Variants in DLGAP4 observed in about 807,000 individuals in gnomAD.
DLGAP4 encodes the protein DLG associated protein 4.
A neutral mutation model predicts 86.9 loss-of-function variants in DLGAP4; 18 were observed. The ratio of observed to expected loss-of-function variants is 0.21; its 90% CI spans 0.14 to 0.31. DLGAP4 has a LOEUF of 0.31. Ranked by LOEUF, DLGAP4 falls within the 10% of genes least tolerant of loss-of-function variation. DLGAP4 has a pLI of 1.00. For synonymous variants in DLGAP4, 548 were observed against 574.3 expected (o/e 0.95, Z 0.65); for missense variants, 1,085 against 1,362.6 (o/e 0.80, Z 3.21).
chr20:36,432,469 G>A lies in DLGAP4; in HGVS notation c.752G>A (p.Gly251Glu). 1.2e-6 allele frequency: 2 copies of A among 1,613,528 alleles called. No homozygotes were observed. The highest frequency in any genetic ancestry group is 1.7e-6 in the Non-Finnish European group (2 of 1,179,966). ...ATGCACGCCTACAACACCATCAGTG[G>A]GCACATGCTCAAAACCACCAAGAAC... The part of the protein sequence containing the change: ...YFMHAYNTIS[G>E]HMLKTTKNNT... Residue 251 changes from glycine (G) to glutamate (E), a missense_variant, in exon 3 of 13, where the codon GGG (glycine) becomes GAG (glutamate). By Grantham distance (98) the Gly-to-Glu change is moderately conservative (BLOSUM62 -2). Transcript: ENST00000339266. This position sits in a 1 kb window ranked among gnomAD's most constrained non-coding sequence, Gnocchi z 6.5.
intron 2 of DLGAP4, among the ~76,000 whole-genome samples, chr20:36,409,702 A>T (rs1327425073): frequency 1.6e-4 from 21 of 128,262 alleles, no homozygotes; most frequent in African/African-American, 2.6e-4. Flanking sequence ...GCAACAGAGC[A>T]AGACTGTCTC....
At position 36,342,577 on chromosome 20, in the gene DLGAP4, T is replaced by C. The variant is rs117598309; in HGVS notation, c.-303-24468T>C. On this transcript the variant is annotated intron_variant, in intron 1 of 12. Transcript: ENST00000339266. ...GTGGAATCAGCTGTGATTTATGGGA[T>C]TGGGGCCCGCAGGGAGCAACTGTCT... is the stretch of plus-strand genomic sequence containing the variant. 3.6e-4 allele frequency among the ~76,000 whole-genome samples: 55 copies of C among 152,216 alleles called. No individual in the cohort carries two copies. The East Asian group carries it at 0.01, about 28-fold the overall frequency.
At chr20:36,484,324 T>C (rs887969027) in intron 7 of DLGAP4, among the ~76,000 whole-genome samples, 1 of 152,170 alleles carries the variant, frequency 6.6e-6, no homozygotes, top group African/African-American at 2.4e-5. Flanking sequence ...CCCTGGACTG[T>C]GGGTGTGCCT....
chr20:36,416,303 G>A (rs1004957239), intron 2 of DLGAP4, among the ~76,000 whole-genome samples: 1 of 152,160 alleles, frequency 6.6e-6, no homozygotes, highest in African/African-American at 2.4e-5. Context: ...TGTATTTTTA[G>A]TATAGACAGG....
chr20:36,432,121 G>C lies in DLGAP4; in HGVS notation c.404G>C (p.Ser135Thr), dbSNP rs1600520875. The C allele has an allele frequency of 6.2e-7, 1 of 1,614,078 alleles. No homozygotes were observed. The highest frequency in any genetic ancestry group is 1.3e-5 in the African/African-American group (1 of 74,956). Residue 135 changes from serine to threonine, a missense_variant, in exon 3 of 13, where the codon AGC (serine) becomes ACC (threonine). This residue lies in a region of DLGAP4 where 1,082 missense variants were observed against 1,344.1 expected (regional missense o/e 0.81). Coordinates refer to ENST00000339266, the MANE Select transcript of DLGAP4 (RefSeq NM_001365621.2). This position sits in a 1 kb window ranked among gnomAD's most constrained non-coding sequence, Gnocchi z 6.5. ...PRGEAKARGE[S>T]PGRIRHLVHS... is the part of the protein sequence containing the mutation. The stretch of plus-strand genomic sequence containing the variant: ...GGCGAGGCCAAGGCCCGTGGTGAGA[G>C]CCCTGGCCGCATCCGCCACCTGGTC...
chr20:36,413,146 T>C (rs1220809946), intron 2 of DLGAP4, among the ~76,000 whole-genome samples: 4 of 151,628 alleles, frequency 2.6e-5, no homozygotes, highest in Non-Finnish European at 5.9e-5. Flanking sequence ...CACCTGGCTA[T>C]TTTTTGTATT....
chr20:36,396,700 C>G (rs1208423849), intron 2 of DLGAP4, among the ~76,000 whole-genome samples: 1 of 118,194 alleles, frequency 8.5e-6, no homozygotes, highest in Admixed American at 8.9e-5. Context: ...ATAGATGGAA[C>G]TTTTGATCTT....
At chr20:36,341,257 T>C (rs1208276783) in intron 1 of DLGAP4, among the ~76,000 whole-genome samples, 5 of 152,226 alleles carry the variant, frequency 3.3e-5, no homozygotes, top group African/African-American at 9.7e-5. Flanking sequence ...AGTGTACTTT[T>C]CAGAGGAGCC....
At chr20:36,341,563 T>A (rs1469391115) in intron 1 of DLGAP4, among the ~76,000 whole-genome samples, 1 of 152,206 alleles carries the variant, frequency 6.6e-6, no homozygotes, top group African/African-American at 2.4e-5. Flanking sequence ...CCATCCTTCC[T>A]GGTTTAGAGA....
At chr20:36,339,377 T>G (rs1270018171) in intron 1 of DLGAP4, among the ~76,000 whole-genome samples, 1 of 151,586 alleles carries the variant, frequency 6.6e-6, no homozygotes, top group Admixed American at 6.6e-5. Context: ...CGTGAGCCAC[T>G]GCACCTGGCC....
At chr20:36,402,122 G>T (rs1017575588) in intron 2 of DLGAP4, among the ~76,000 whole-genome samples, 6 of 152,236 alleles carry the variant, frequency 3.9e-5, no homozygotes, top group Non-Finnish European at 7.3e-5. Flanking sequence ...TGTCATGCCA[G>T]TGGGAGGGCC....
intron 2 of DLGAP4, among the ~76,000 whole-genome samples, chr20:36,410,490 A>G (rs1469445442): frequency 6.6e-6 from 1 of 152,226 alleles, no homozygotes; most frequent in East Asian, 1.9e-4. Context: ...AGGCTGAGTA[A>G]TGTATAAAGA....
At chr20:36,509,860 C>T (rs2036590526) in intron 10 of DLGAP4, among the ~76,000 whole-genome samples, 2 of 145,490 alleles carry the variant, frequency 1.4e-5, no homozygotes, top group South Asian at 4.3e-4. Flanking sequence ...TATTGCTTGT[C>T]TTTTTTTTTT....
intron 1 of DLGAP4, among the ~76,000 whole-genome samples, chr20:36,346,709 G>A (rs1479180261): frequency 6.6e-6 from 1 of 151,980 alleles, no homozygotes; most frequent in Non-Finnish European, 1.5e-5. Flanking sequence ...GAGTGTTTTA[G>A]GACCCATTTT....
At chr20:36,315,554 G>C (rs1203686152) in intron 1 of DLGAP4, among the ~76,000 whole-genome samples, 1 of 152,036 alleles carries the variant, frequency 6.6e-6, no homozygotes, top group African/African-American at 2.4e-5. Flanking sequence ...GGGTCCCTGG[G>C]GTTGCTGGAT....
intron 2 of DLGAP4, among the ~76,000 whole-genome samples, chr20:36,416,496 A>G (rs1170195213): frequency 6.6e-6 from 1 of 152,214 alleles, no homozygotes; most frequent in East Asian, 1.9e-4. Context: ...ACCCGGGCGA[A>G]CCAGGATGTC....
At chr20:36,437,361 G>T (rs756526239) in intron 4 of DLGAP4, among the ~76,000 whole-genome samples, 2 of 152,144 alleles carry the variant, frequency 1.3e-5, no homozygotes, top group Admixed American at 1.3e-4. Context: ...CACATCCCCA[G>T]GTAAGTTCCA....
At chr20:36,491,191 CAA>C (rs1181625223) in intron 7 of DLGAP4, among the ~76,000 whole-genome samples, 5 of 126,050 alleles carry the variant, frequency 4.0e-5, no homozygotes, top group African/African-American at 5.8e-5. Flanking sequence ...GACTCTGTCT[CAA>C]AAAAAAAAAA....
intron 1 of DLGAP4, among the ~76,000 whole-genome samples, chr20:36,345,399 G>C (rs1337408542): frequency 6.6e-6 from 1 of 152,218 alleles, no homozygotes; most frequent in Non-Finnish European, 1.5e-5. Flanking sequence ...CCCAGGGTCT[G>C]GTACACACTG....
Sources: allele counts gnomAD v4.1 joint callset (sites outside exome capture counted in the v4.1 genomes callset), GRCh38; gene constraint gnomAD v4.1.1; regional missense constraint gnomAD v4.1.1; non-coding constraint Gnocchi (gnomAD v3.1); transcripts MANE v1.5; gene names NCBI Gene and HGNC (gene_info 2026-07-23, HGNC 2026-07-21).